Variants in NEU1 observed in about 807,000 individuals in gnomAD.
NEU1 encodes the protein neuraminidase 1, also known as sialidase-1.
In NEU1, 32 loss-of-function variants were observed where a neutral mutation model predicts 38.3. That is an observed-to-expected ratio of 0.84 (90% confidence interval 0.63 to 1.12). The LOEUF is 1.12. Among genes scored for constraint, NEU1 ranks in the 50% most tolerant of loss-of-function variants. The pLI, the probability that NEU1 is intolerant of heterozygous loss-of-function variation, is 0.00. For synonymous variants in NEU1, 192 were observed against 225.2 expected (o/e 0.85, Z 1.32); for missense variants, 431 against 549.2 (o/e 0.78, Z 2.15).
rs567907055 is a variant in NEU1 at position 31,860,027 on chromosome 6, C to G, written c.1021+15G>C. Reference sequence around the variant, plus strand: ...ACAGGGCTCTCCCTGCTGACCCCACCCATGAGGCACTCACGGAACTCTGGA... The same window carrying G: ...ACAGGGCTCTCCCTGCTGACCCCACGCATGAGGCACTCACGGAACTCTGGA... On this transcript the variant is annotated intron_variant, in intron 5 of 5. Coordinates refer to ENST00000375631, the MANE Select transcript of NEU1 (RefSeq NM_000434.4). The surrounding 1 kb of genome is among the most constrained non-coding windows in gnomAD (Gnocchi z 4.8). 112 of 1,612,800 alleles carry G rather than the reference C, an allele frequency of 6.9e-5. 3 individuals carry two copies. The East Asian group carries it at 8.9e-4, about 13-fold the overall frequency.
chr6:31,861,030 A>G (rs1762487108), intron 3 of NEU1, 158 bp downstream of exon 3: 8 of 978,982 alleles, frequency 8.2e-6, no homozygotes, highest in Non-Finnish European at 1.2e-5. Flanking sequence ...TTCTCCTGAT[A>G]ATGTGTTCCT....
Position 31,862,737 on chromosome 6 carries a change from G to T in NEU1, c.40C>A (p.Arg14Ser). Residue 14 changes from arginine to serine, a missense_variant, in exon 1 of 6, where the codon CGC (arginine) becomes AGC (serine). By Grantham distance (110) the Arg-to-Ser change is moderately radical. Transcript: ENST00000375631. The surrounding 1 kb of genome is among the most constrained non-coding windows in gnomAD (Gnocchi z 6.3). ...AAGCCCAGAATCCGCGGCCCCCAGC[G>T]TCTGTCCGGGAGCGCCGTGCTGGGT... The part of the protein sequence containing the change: ...ERPSTALPDR[R>S]WGPRILGFWG... The T allele has an allele frequency of 6.2e-7, 1 of 1,612,984 alleles. No homozygotes were observed.
Position 31,860,806 on chromosome 6 carries a change from G to T in NEU1, c.616-185C>A. 1.4e-6 allele frequency: 1 copy of T among 707,378 alleles called. No individual in the cohort carries two copies. Among genetic ancestry groups the T allele is most frequent in the Non-Finnish European group, 2.4e-6 (1 of 411,214 alleles). The allele number at this position is 707,378 out of a possible 1,614,324, so 43.8% of individuals were successfully genotyped here. On this transcript the variant is annotated intron_variant, in intron 3 of 5. Transcript: ENST00000375631. This position sits in a 1 kb window ranked among gnomAD's most constrained non-coding sequence, Gnocchi z 4.8. ...TGTTTGAATTAAGAAGCTCTCCCAG[G>T]GTGTACAGCTGGACATGTGCACCAG...
rs1762539853 is a variant in NEU1 at position 31,862,071 on chromosome 6, C to G, written c.280G>C (p.Ala94Pro). The change falls in exon 2 of 6, where the codon GCT becomes CCT. Residue 94 changes from alanine (A) to proline (P), a missense_variant. Ala to Pro is a conservative substitution (Grantham distance 27). Transcript: ENST00000375631. This position sits in a 1 kb window ranked among gnomAD's most constrained non-coding sequence, Gnocchi z 6.3. ...GATGAGGACATTTTCCTCGCCTCAG[C>G]AAAGGCGAGAAGAGTGCCCCGCGGA... ...ATPRGTLLAF[A>P]EARKMSSSDE... The G allele has an allele frequency of 6.2e-7, 1 of 1,612,980 alleles. No individual in the cohort carries two copies. The highest frequency in any genetic ancestry group is 1.1e-5 in the South Asian group (1 of 91,090).
rs1762421861 is a variant in NEU1 at position 31,859,596 on chromosome 6, C to G, written c.*123G>C. The G allele has an allele frequency of 5.1e-6, 5 of 972,300 alleles. No homozygotes were observed. The African/African-American group carries it at 8.0e-5, about 16-fold the overall frequency. The allele number at this position is 972,300 out of a possible 1,614,324, so 60.2% of individuals were successfully genotyped here. A position where few individuals can be genotyped will look rare whatever the true frequency, so the allele number is the denominator to read the frequency against. On this transcript the variant is annotated 3_prime_UTR_variant, in exon 6 of 6. Coordinates refer to ENST00000375631, the MANE Select transcript of NEU1 (RefSeq NM_000434.4). ...CCCTGGTAAAGGGAAGGTGATTTTG[C>G]CAAGGCTGGAGTCTAAAGGAAGATG...
At chr6:31,861,115 A>G in intron 3 of NEU1, 73 bp downstream of exon 3, 3 of 1,600,798 alleles carry the variant, frequency 1.9e-6, no homozygotes, top group Non-Finnish European at 2.6e-6. Context: ...CCCCTTGGAA[A>G]GGAGTCCATT....
chr6:31,862,328 C>T lies in NEU1; in HGVS notation c.160-137G>A. On this transcript the variant is annotated intron_variant, in intron 1 of 5. Coordinates refer to ENST00000375631, the MANE Select transcript of NEU1 (RefSeq NM_000434.4). This position sits in a 1 kb window ranked among gnomAD's most constrained non-coding sequence, Gnocchi z 6.3. The stretch of plus-strand genomic sequence containing the variant: ...GGTCCCAGAACAAGAAAGAGGAACA[C>T]GAAGGGGAGTTTGGAGCGAAGCTGG... 1 of 1,045,922 alleles carries T rather than the reference C, an allele frequency of 9.6e-7. No homozygotes were observed. Among genetic ancestry groups the T allele is most frequent in the Admixed American group, 2.0e-5 (1 of 49,538 alleles). The allele number at this position is 1,045,922 out of a possible 1,614,324, so 64.8% of individuals were successfully genotyped here.
Position 31,859,834 on chromosome 6 carries a change from C to T in NEU1, c.1133G>A (p.Gly378Asp). 1 of 1,613,106 alleles carries T rather than the reference C, an allele frequency of 6.2e-7. No individual in the cohort carries two copies. The highest frequency in any genetic ancestry group is 8.5e-7 in the Non-Finnish European group (1 of 1,180,040). Reference sequence around the variant, plus strand: ...GGCCTGCTCCTCTCCATCCATGCTGCCCTCCAGGGTTGCCAGGGATGAATA... The same window carrying T: ...GGCCTGCTCCTCTCCATCCATGCTGTCCTCCAGGGTTGCCAGGGATGAATA... Reference protein sequence around the residue: ...SGYSSLATLEGSMDGEEQAPQ... With the variant: ...SGYSSLATLEDSMDGEEQAPQ... The change falls in exon 6 of 6, where the codon GGC becomes GAC. Residue 378 changes from glycine to aspartate, a missense_variant. Coordinates refer to ENST00000375631, the MANE Select transcript of NEU1 (RefSeq NM_000434.4).
At chr6:31,859,970 A>G in intron 5 of NEU1, 25 bp from the exon 6 acceptor site, 1 of 1,612,764 alleles carries the variant, frequency 6.2e-7, no homozygotes, top group Non-Finnish European at 8.5e-7. Context: ...AGAGTCAGGG[A>G]GAGAGGGTCT....
In NEU1 at chr6:31,859,627, G is replaced by T; in HGVS notation, c.*92C>A. Reference sequence around the variant, plus strand: ...CTGGAGTCTAAAGGAAGATGGAACTGTCTTTCAGGCGTCTCCAGCAGACCC... The same window carrying T: ...CTGGAGTCTAAAGGAAGATGGAACTTTCTTTCAGGCGTCTCCAGCAGACCC... On this transcript the variant is annotated 3_prime_UTR_variant, in exon 6 of 6. Transcript: ENST00000375631. 1.6e-6 allele frequency: 2 copies of T among 1,272,018 alleles called. No individual in the cohort carries two copies. Among genetic ancestry groups the T allele is most frequent in the Non-Finnish European group, 2.3e-6 (2 of 884,276 alleles). The allele number at this position is 1,272,018 out of a possible 1,614,324, so 78.8% of individuals were successfully genotyped here.
At position 31,860,989 on chromosome 6, in the gene NEU1, C is replaced by T. The variant is rs1302832272; in HGVS notation, c.615+199G>A. The T allele has an allele frequency of 2.8e-6, 2 of 714,260 alleles. No individual in the cohort carries two copies. Among genetic ancestry groups the T allele is most frequent in the South Asian group, 1.9e-5 (1 of 54,002 alleles). The allele number at this position is 714,260 out of a possible 1,614,324, so 44.2% of individuals were successfully genotyped here. ...GACTAACGCAGTCCTGTTGACAATG[C>T]CAAATGGGAAGCCAATGGCAGAGTT... is the stretch of plus-strand genomic sequence containing the variant. On this transcript the variant is annotated intron_variant, in intron 3 of 5. Coordinates refer to ENST00000375631, the MANE Select transcript of NEU1 (RefSeq NM_000434.4). This position sits in a 1 kb window ranked among gnomAD's most constrained non-coding sequence, Gnocchi z 4.8.
rs1043637616 is a variant in NEU1 at position 31,858,830 on chromosome 6, C to T, written c.*889G>A. The T allele has an allele frequency of 6.6e-6, 1 of 151,652 alleles. No individual in the cohort carries two copies. The highest frequency in any genetic ancestry group is 2.4e-5 in the African/African-American group (1 of 41,214). 9.4% of individuals were successfully genotyped at this position (151,652 alleles called of 1,614,324 possible). A position where few individuals can be genotyped will look rare whatever the true frequency, so the allele number is the denominator to read the frequency against. On this transcript the variant is annotated 3_prime_UTR_variant, in exon 6 of 6. Coordinates refer to ENST00000375631, the MANE Select transcript of NEU1 (RefSeq NM_000434.4). ...AGGAGTTCCATACCAGCCTGGGCAA[C>T]ATAGCGCAACCTTGTCTCTACTGAA...
chr6:31,861,077 G>T, intron 3 of NEU1, 111 bp downstream of exon 3: 1 of 1,517,848 alleles, frequency 6.6e-7, no homozygotes, highest in Non-Finnish European at 9.0e-7. Flanking sequence ...TCCCACCCAA[G>T]CCAGAAAATC....
In NEU1 at chr6:31,862,558, G is replaced by T; in HGVS notation, c.159+60C>A. ...CGGCTCAGCCGCCCGCGTTCCGGGG[G>T]ACACTAGGTGTCGATCACCTGCGCG... is the stretch of plus-strand genomic sequence containing the variant. On this transcript the variant is annotated intron_variant, in intron 1 of 5. Transcript: ENST00000375631. This position sits in a 1 kb window ranked among gnomAD's most constrained non-coding sequence, Gnocchi z 6.3. 6.2e-7 allele frequency: 1 copy of T among 1,610,854 alleles called. No individual in the cohort carries two copies. Among genetic ancestry groups the T allele is most frequent in the Non-Finnish European group, 8.5e-7 (1 of 1,178,094 alleles).
Position 31,858,571 on chromosome 6 carries a change from C to A in NEU1, c.*1148G>T, listed in dbSNP as rs1311346036. On this transcript the variant is annotated 3_prime_UTR_variant, in exon 6 of 6. Coordinates refer to ENST00000375631, the MANE Select transcript of NEU1 (RefSeq NM_000434.4). Reference sequence around the variant, plus strand: ...GTTGCAGTGAGCCGAGATCGCACCACTGCACTCTAGCCTGGGTGCCAGAGC... The same window carrying A: ...GTTGCAGTGAGCCGAGATCGCACCAATGCACTCTAGCCTGGGTGCCAGAGC... 2 of 150,732 alleles carry A rather than the reference C, an allele frequency of 1.3e-5. No individual in the cohort carries two copies. The highest frequency in any genetic ancestry group is 2.9e-5 in the Non-Finnish European group (2 of 67,820). 9.3% of individuals were successfully genotyped at this position (150,732 alleles called of 1,614,324 possible).
At chr6:31,861,830 C>T in intron 2 of NEU1, 169 bp downstream of exon 2, 2 of 778,162 alleles carry the variant, frequency 2.6e-6, no homozygotes, top group South Asian at 2.9e-5. Context: ...TTGGTGATCC[C>T]AATTTCCAGA....
chr6:31,862,125 T>C lies in NEU1; in HGVS notation c.226A>G (p.Thr76Ala). 1 of 1,612,972 alleles carries C rather than the reference T, an allele frequency of 6.2e-7. No homozygotes were observed. The highest frequency in any genetic ancestry group is 8.5e-7 in the Non-Finnish European group (1 of 1,180,006). ...VSGRQIGSVD[T>A]FRIPLITATP... ...GCTGTGATGAGCGGGATGCGGAAGG[T>C]GTCCACTGAGCCGATCTGTCTCCCG... The change falls in exon 2 of 6, where the codon ACC (threonine) becomes GCC (alanine). Residue 76 changes from threonine (T) to alanine (A), a missense_variant. Transcript: ENST00000375631. The surrounding 1 kb of genome is among the most constrained non-coding windows in gnomAD (Gnocchi z 6.3).
In NEU1 at chr6:31,860,096, C is replaced by T. The variant is rs1762444441; in HGVS notation, c.967G>A (p.Val323Ile). 6.2e-7 allele frequency: 1 copy of T among 1,613,050 alleles called. No homozygotes were observed. Among genetic ancestry groups the T allele is most frequent in the South Asian group, 1.1e-5 (1 of 91,076 alleles). ...AAGACAATGCCGGAGCTGGTGACTACAGCTCCTGCAGCTACCACAGGGTCC... is the reference window on the plus strand; with the variant it reads ...AAGACAATGCCGGAGCTGGTGACTATAGCTCCTGCAGCTACCACAGGGTCC... ...LVDPVVAAGA[V>I]VTSSGIVFFS... Residue 323 changes from valine (V) to isoleucine (I), a missense_variant, in exon 5 of 6, where the codon GTA (valine) becomes ATA (isoleucine). Transcript: ENST00000375631. This position sits in a 1 kb window ranked among gnomAD's most constrained non-coding sequence, Gnocchi z 4.8.
rs1762360757 is a variant in NEU1, at chr6:31,857,890, G to C, written c.*1829C>G. 6.6e-6 allele frequency: 1 copy of C among 151,836 alleles called. No individual in the cohort carries two copies. Among genetic ancestry groups the C allele is most frequent in the Admixed American group, 6.6e-5 (1 of 15,242 alleles). 9.4% of individuals were successfully genotyped at this position (151,836 alleles called of 1,614,324 possible). A position where few individuals can be genotyped will look rare whatever the true frequency, so the allele number is the denominator to read the frequency against. The stretch of plus-strand genomic sequence containing the variant: ...GCGTGGATTTTTTTTTTTTCAGACG[G>C]AGTCTCACTCTGTTGCCGAGGCTGG... On this transcript the variant is annotated 3_prime_UTR_variant, in exon 6 of 6. Transcript: ENST00000375631.
Sources: gnomAD v4.1 joint callset for allele counts on GRCh38, gnomAD v4.1.1 for gene constraint, Gnocchi (gnomAD v3.1) non-coding constraint, MANE v1.5 for transcripts, NCBI Gene and HGNC (gene_info 2026-07-23, HGNC 2026-07-21) for gene names.